The following STX7 variants were observed in gnomAD, a reference collection of about 807,000 sequenced individuals.
The protein encoded by STX7 is syntaxin 7.
Under a neutral mutation model 39.6 loss-of-function variants are expected in STX7, and 34 were observed. The observed-to-expected ratio is 0.86, with a 90% CI of 0.65 to 1.14. The LOEUF (loss-of-function observed/expected upper bound fraction) is 1.14, where lower values mean the gene tolerates loss of function less well. Among genes scored for constraint, STX7 ranks in the 50% most tolerant of loss-of-function variants. The probability of loss-of-function intolerance (pLI) is 0.00; values close to 1 mark genes in which losing one functional copy is unlikely to be tolerated. For missense variants in STX7, 284 were observed against 310.4 expected, an observed-to-expected ratio of 0.92 and a Z score of 0.64; for synonymous variants, 119 against 99.1, an observed-to-expected ratio of 1.20 and a Z score of -1.19.
intron 8 of STX7, among the ~76,000 whole-genome samples, chr6:132,467,100 C>T (rs545849139): frequency 1.3e-5 from 2 of 152,272 alleles, no homozygotes; most frequent in Admixed American, 6.5e-5. Flanking sequence ...GTGAGTCTTT[C>T]GAAACTGAAG....
rs914304541 is a variant in STX7, at chr6:132,448,120, G to C, written c.*12638C>G. 8 of 152,078 alleles carry C rather than the reference G, an allele frequency of 5.3e-5. No homozygotes were observed. Among genetic ancestry groups the C allele is most frequent in the Non-Finnish European group, 1.2e-4 (8 of 68,010 alleles). The allele number at this position is 152,078 out of a possible 1,614,324, so 9.4% of individuals were successfully genotyped here. Reference sequence around the variant, plus strand: ...TAACTTCCATCCTAAAGAGTATCAGGATCTTGGAGCACTCACACTAACTTC... The same window carrying C: ...TAACTTCCATCCTAAAGAGTATCAGCATCTTGGAGCACTCACACTAACTTC... On this transcript the variant is annotated 3_prime_UTR_variant, in exon 10 of 10. Transcript: ENST00000367941.
intron 2 of STX7, among the ~76,000 whole-genome samples, chr6:132,487,524 C>T (rs2114430056): frequency 6.6e-6 from 1 of 152,192 alleles, no homozygotes; most frequent in Middle Eastern, 3.4e-3. Context: ...ATACCTAATG[C>T]ATGTGGGACT....
chr6:132,470,563 G>A lies in STX7; in HGVS notation c.440+11C>T, dbSNP rs1265465309. Reference sequence around the variant, plus strand: ...TACCTTTTGATCTGTAAAATGTTTTGTATTTCTTACCTTTCCCAGGATACA... The same window carrying A: ...TACCTTTTGATCTGTAAAATGTTTTATATTTCTTACCTTTCCCAGGATACA... On this transcript the variant is annotated intron_variant, in intron 6 of 9. Coordinates refer to ENST00000367941, the MANE Select transcript of STX7 (RefSeq NM_003569.3). 1.3e-6 allele frequency: 2 copies of A among 1,594,872 alleles called. No individual in the cohort carries two copies. Among genetic ancestry groups the A allele is most frequent in the Middle Eastern group, 1.7e-4 (1 of 5,976 alleles).
chr6:132,494,066 C>CT lies in STX7; in HGVS notation c.85+9379dup, dbSNP rs1443503602. Among the ~76,000 whole-genome samples, 16 of 152,170 alleles carry CT rather than the reference C, an allele frequency of 1.1e-4. No individual in the cohort carries two copies. In the East Asian group the frequency reaches 3.1e-3, roughly 29 times the overall value. On this transcript the variant is annotated intron_variant, in intron 2 of 9. Transcript: ENST00000367941. ...TTTTTATCACATGGTCACCATGACA[C>CT]TTTATCTACAGAGAACTCAGAGGAT...
chr6:132,465,952 T>C (rs907140785), intron 8 of STX7, among the ~76,000 whole-genome samples: 2 of 152,224 alleles, frequency 1.3e-5, no homozygotes, highest in African/African-American at 4.8e-5. Context: ...ATCAATCCCA[T>C]AGCTGCCATC....
chr6:132,463,425 G>C (rs1283402624), intron 9 of STX7, among the ~76,000 whole-genome samples: 1 of 152,066 alleles, frequency 6.6e-6, no homozygotes, highest in Non-Finnish European at 1.5e-5. Flanking sequence ...ATTTATATTT[G>C]ACACATGCAT....
At chr6:132,487,184 C>T (rs1437243332) in intron 2 of STX7, among the ~76,000 whole-genome samples, 1 of 152,176 alleles carries the variant, frequency 6.6e-6, no homozygotes, top group Non-Finnish European at 1.5e-5. Context: ...AGGTTACTGA[C>T]TTCTTTTTGA....
intron 4 of STX7, 81 bp from the exon 5 acceptor site, chr6:132,471,681 AC>A: frequency 4.6e-6 from 7 of 1,531,774 alleles, no homozygotes; most frequent in Non-Finnish European, 6.2e-6. Flanking sequence ...TCTTTATTTA[AC>A]CCTGAAGTTT....
chr6:132,472,558 TTA>T (rs1182884000), intron 3 of STX7, among the ~76,000 whole-genome samples, 183 bp from the exon 4 acceptor site: 1 of 152,194 alleles, frequency 6.6e-6, no homozygotes, highest in Non-Finnish European at 1.5e-5. Flanking sequence ...TGAGCAAATA[TTA>T]TATGTCAGGT....
At chr6:132,480,478 C>T (rs912338118) in intron 2 of STX7, among the ~76,000 whole-genome samples, 5 of 152,210 alleles carry the variant, frequency 3.3e-5, no homozygotes, top group Non-Finnish European at 4.4e-5. Context: ...TTTTCCATCT[C>T]TCAAGGTGAC....
chr6:132,507,749 T>TC (rs1378632972), intron 1 of STX7, among the ~76,000 whole-genome samples: 1 of 152,240 alleles, frequency 6.6e-6, no homozygotes, highest in Non-Finnish European at 1.5e-5. Flanking sequence ...CTTTCTCCTT[T>TC]CCCTCTATCA....
At chr6:132,489,168 T>TCCA (rs1006929933) in intron 2 of STX7, among the ~76,000 whole-genome samples, 1 of 127,312 alleles carries the variant, frequency 7.9e-6, no homozygotes, top group African/African-American at 3.1e-5. Context: ...GCCACTGCAC[T>TCCA]CCAGCCTGGG....
intron 8 of STX7, among the ~76,000 whole-genome samples, chr6:132,466,471 G>A (rs1774567860): frequency 6.6e-6 from 1 of 152,140 alleles, no homozygotes; most frequent in South Asian, 2.1e-4. Context: ...CAAGTATTCA[G>A]CTACCCCTTC....
chr6:132,493,469 T>C (rs1400589604), intron 2 of STX7, among the ~76,000 whole-genome samples: 6 of 152,120 alleles, frequency 3.9e-5, no homozygotes, highest in Admixed American at 2.0e-4. Context: ...GTTCTCATGA[T>C]AGTGAATAAG....
chr6:132,461,735 C>T, intron 9 of STX7: 1 of 1,222,488 alleles, frequency 8.2e-7, no homozygotes, highest in Non-Finnish European at 1.1e-6. Context: ...ACAGAGCAAA[C>T]AAAATCATAA....
At chr6:132,465,162 T>C (rs945436674) in intron 8 of STX7, among the ~76,000 whole-genome samples, 1 of 152,156 alleles carries the variant, frequency 6.6e-6, no homozygotes, top group East Asian at 1.9e-4. Flanking sequence ...CTGACCATAC[T>C]TTTTCCAAAG....
chr6:132,504,205 G>A (rs1467651995), intron 1 of STX7, among the ~76,000 whole-genome samples: 4 of 152,178 alleles, frequency 2.6e-5, no homozygotes, highest in African/African-American at 4.8e-5. Context: ...GCTCAGGAAT[G>A]TATGATTAAT....
rs778068381 is a variant in STX7 at position 132,472,301 on chromosome 6, G to C, written c.230C>G (p.Pro77Arg). The C allele has an allele frequency of 6.2e-7, 1 of 1,612,702 alleles. No homozygotes were observed. The highest frequency in any genetic ancestry group is 2.2e-5 in the East Asian group (1 of 44,814). Residue 77 changes from proline (P) to arginine (R), a missense_variant, in exon 4 of 10, where the codon CCC becomes CGC. Physicochemically the swap from Pro to Arg is moderately radical, Grantham distance 103. Transcript: ENST00000367941. ...DKYIKEFGSLPTTPSEQRQRK... is the reference protein window; with the variant it reads ...DKYIKEFGSLRTTPSEQRQRK... ...TGATACCTGTTCACTGGGGGTGGTG[G>C]GCAGAGATCCAAACTCTTTAATGTA... is the stretch of plus-strand genomic sequence containing the variant.
At chr6:132,489,032 T>C (rs1235428345) in intron 2 of STX7, among the ~76,000 whole-genome samples, 2 of 151,738 alleles carry the variant, frequency 1.3e-5, no homozygotes, top group African/African-American at 2.4e-5. Flanking sequence ...CGAAAACCCA[T>C]CTCTTCTAAA....
Sources: allele counts gnomAD v4.1 joint callset (sites outside exome capture counted in the v4.1 genomes callset), GRCh38; gene constraint gnomAD v4.1.1; transcripts MANE v1.5; gene names NCBI Gene and HGNC (gene_info 2026-07-23, HGNC 2026-07-21).